Variants in ENDOD1 observed in about 807,000 individuals in gnomAD.
ENDOD1 encodes endonuclease domain containing 1.
A neutral mutation model predicts 6.5 loss-of-function variants in ENDOD1; 9 were observed. The ratio of observed to expected loss-of-function variants is 1.39; its 90% CI spans 0.84 to 2.43. The LOEUF (loss-of-function observed/expected upper bound fraction) is 2.43. ENDOD1 is among the 30% of genes most tolerant of loss of function. The probability of loss-of-function intolerance (pLI) is 0.00; values close to 1 mark genes in which losing one functional copy is unlikely to be tolerated. For missense variants in ENDOD1, 648 were observed against 635.5 expected, an observed-to-expected ratio of 1.02 and a Z score of -0.21; for synonymous variants, 255 against 255.2, an observed-to-expected ratio of 1.00 and a Z score of 0.01.
chr11:95,109,906 G>A (rs1859130393), intron 1 of ENDOD1, among the ~76,000 whole-genome samples: 1 of 152,244 alleles, frequency 6.6e-6, no homozygotes, highest in East Asian at 1.9e-4. Context: ...TCTGTTTGCA[G>A]GGACAAGGCT....
chr11:95,099,290 C>T (rs548601655), intron 1 of ENDOD1, among the ~76,000 whole-genome samples: 6 of 152,180 alleles, frequency 3.9e-5, no homozygotes, highest in Admixed American at 6.5e-5. Flanking sequence ...CAGTGAGTAG[C>T]GGAGATAAGA....
chr11:95,122,589 T>TACACACACACACACAC (rs55940348), intron 1 of ENDOD1, among the ~76,000 whole-genome samples: 44 of 142,814 alleles, frequency 3.1e-4, no homozygotes, highest in East Asian at 1.9e-3. Flanking sequence ...GCATTTAAGT[T>TACACACACACACACAC]ACACACACAC....
chr11:95,098,963 A>C (rs1555110597), intron 1 of ENDOD1, among the ~76,000 whole-genome samples: 1 of 152,132 alleles, frequency 6.6e-6, no homozygotes, highest in East Asian at 1.9e-4. Context: ...AAAAGTTCAC[A>C]TGTTCATTTA....
In ENDOD1 at chr11:95,129,665, T is replaced by G; in HGVS notation, c.*86T>G. On this transcript the variant is annotated 3_prime_UTR_variant, in exon 2 of 2. Coordinates refer to ENST00000278505, the MANE Select transcript of ENDOD1 (RefSeq NM_015036.3). ...ACAATGGGTTTCTGTTCACTGTCAG[T>G]TATCATTATATTTTGGCCTTTGGTG... 6.9e-7 allele frequency: 1 copy of G among 1,459,298 alleles called. No homozygotes were observed. The highest frequency in any genetic ancestry group is 9.2e-7 in the Non-Finnish European group (1 of 1,081,410). 90.4% of individuals were successfully genotyped at this position (1,459,298 alleles called of 1,614,324 possible).
chr11:95,111,403 T>C (rs1859149526), intron 1 of ENDOD1, among the ~76,000 whole-genome samples: 1 of 152,062 alleles, frequency 6.6e-6, no homozygotes, highest in Admixed American at 6.5e-5. Context: ...AGCATTACTT[T>C]TATTGTGCAC....
intron 1 of ENDOD1, among the ~76,000 whole-genome samples, chr11:95,128,006 C>A (rs1030453211): frequency 6.6e-6 from 1 of 152,110 alleles, no homozygotes; most frequent in Non-Finnish European, 1.5e-5. Context: ...ATGATCCACC[C>A]GCCTCAGCCT....
At chr11:95,108,937 A>G (rs1035044724) in intron 1 of ENDOD1, among the ~76,000 whole-genome samples, 14 of 152,222 alleles carry the variant, frequency 9.2e-5, no homozygotes, top group African/African-American at 3.1e-4. Context: ...TGCACCCACG[A>G]TCTTTTCTAA....
chr11:95,114,256 A>G lies in ENDOD1; in HGVS notation c.301-14121A>G, dbSNP rs558807133. Among the ~76,000 whole-genome samples, 6 of 151,992 alleles carry G rather than the reference A, an allele frequency of 3.9e-5. No homozygotes were observed. In the East Asian group the frequency reaches 1.2e-3, roughly 29 times the overall value. On this transcript the variant is annotated intron_variant, in intron 1 of 1. Transcript: ENST00000278505. ...CTCAGCTTCCTGAGTAGCTGGGACT[A>G]CAAGTGCACACCACCATGCCTAGCT...
At chr11:95,106,764 C>T (rs782799393) in intron 1 of ENDOD1, among the ~76,000 whole-genome samples, 1 of 152,008 alleles carries the variant, frequency 6.6e-6, no homozygotes, top group Non-Finnish European at 1.5e-5. Flanking sequence ...TAAGCTTAGC[C>T]AGGGCACTCC....
chr11:95,099,805 G>A (rs1859020797), intron 1 of ENDOD1, among the ~76,000 whole-genome samples: 1 of 152,214 alleles, frequency 6.6e-6, no homozygotes. Context: ...ATGTTTGTGA[G>A]ATGGCAGCAC....
intron 1 of ENDOD1, among the ~76,000 whole-genome samples, chr11:95,118,366 A>G (rs1432437101): frequency 6.6e-6 from 1 of 152,138 alleles, no homozygotes; most frequent in Non-Finnish European, 1.5e-5. Context: ...AAAATCTCTC[A>G]GCTTTTGTTT....
intron 1 of ENDOD1, among the ~76,000 whole-genome samples, chr11:95,104,954 G>A (rs1859075550): frequency 6.6e-6 from 1 of 152,218 alleles, no homozygotes; most frequent in South Asian, 2.1e-4. Flanking sequence ...AGAGCCATAT[G>A]GTTGGTTGCT....
chr11:95,092,297 A>T (rs1858938421), intron 1 of ENDOD1, among the ~76,000 whole-genome samples: 1 of 152,146 alleles, frequency 6.6e-6, no homozygotes. Flanking sequence ...GAATCATGGA[A>T]GGGAGGGATC....
intron 1 of ENDOD1, among the ~76,000 whole-genome samples, chr11:95,113,157 G>T (rs929488700): frequency 4.6e-5 from 7 of 151,858 alleles, no homozygotes; most frequent in Admixed American, 3.9e-4. Flanking sequence ...GAGATATTTT[G>T]ATACAGGCAT....
chr11:95,128,263 G>T, intron 1 of ENDOD1, 114 bp from the exon 2 acceptor site: 1 of 1,247,416 alleles, frequency 8.0e-7, no homozygotes, highest in Non-Finnish European at 1.1e-6. Flanking sequence ...CCAAACTCAA[G>T]CGTTTGAAGT....
intron 1 of ENDOD1, among the ~76,000 whole-genome samples, chr11:95,096,227 CTTTTTTTTTTT>C (rs10660230): frequency 2.6e-4 from 13 of 49,966 alleles, no homozygotes; most frequent in Admixed American, 7.9e-4. Context: ...GTCAAGAAAG[CTTTTTTTTTTT>C]TTTTTTTTTT....
At chr11:95,107,064 G>C (rs994062401) in intron 1 of ENDOD1, among the ~76,000 whole-genome samples, 5 of 152,030 alleles carry the variant, frequency 3.3e-5, no homozygotes, top group African/African-American at 7.2e-5. Context: ...TTCCTTCAGA[G>C]AGTGATCAAT....
At chr11:95,126,091 A>G (rs1213236382) in intron 1 of ENDOD1, among the ~76,000 whole-genome samples, 1 of 152,186 alleles carries the variant, frequency 6.6e-6, no homozygotes, top group Non-Finnish European at 1.5e-5. Flanking sequence ...CCTTCTAAGA[A>G]TGGGGGAAGG....
At chr11:95,116,282 T>TG (rs1859208115) in intron 1 of ENDOD1, among the ~76,000 whole-genome samples, 1 of 152,220 alleles carries the variant, frequency 6.6e-6, no homozygotes, top group African/African-American at 2.4e-5. Flanking sequence ...GGCATACAGT[T>TG]GCTCATAGTA....
Sources: gnomAD v4.1 joint callset for allele counts (sites outside exome capture counted in the v4.1 genomes callset) on GRCh38, gnomAD v4.1.1 for gene constraint, MANE v1.5 for transcripts, NCBI Gene and HGNC (gene_info 2026-07-23, HGNC 2026-07-21) for gene names.